TSHZ3: variants seen among roughly 807,000 people sequenced by gnomAD.
TSHZ3 encodes the protein teashirt homolog 3.
A neutral mutation model predicts 64.5 loss-of-function variants in TSHZ3; 10 were observed. The ratio of observed to expected loss-of-function variants is 0.16; its 90% CI spans 0.10 to 0.26. The LOEUF (loss-of-function observed/expected upper bound fraction) is 0.26, where lower values mean the gene tolerates loss of function less well. Ranked by LOEUF, TSHZ3 falls within the 10% of genes least tolerant of loss-of-function variation. The pLI is 1.00. For synonymous variants in TSHZ3, 608 were observed against 593.1 expected (o/e 1.03, Z -0.36); for missense variants, 1,242 against 1,421.7 (o/e 0.87, Z 2.03).
intron 1 of TSHZ3, among the ~76,000 whole-genome samples, chr19:31,263,430 C>T (rs1464733184): frequency 7.6e-6 from 1 of 132,044 alleles, no homozygotes; most frequent in Non-Finnish European, 1.8e-5. Flanking sequence ...CCTCGCCACC[C>T]GCTGCCCACG....
At chr19:31,313,514 G>A (rs142483307) in intron 1 of TSHZ3, among the ~76,000 whole-genome samples, 36 of 152,270 alleles carry the variant, frequency 2.4e-4, no homozygotes, top group Middle Eastern at 3.4e-3. Flanking sequence ...GGGTGGCCAC[G>A]CTCCTGGCAC....
intron 4 of TSHZ3, chr19:31,207,444 C>T (rs1975197175): frequency 6.6e-6 from 1 of 152,102 alleles, no homozygotes; most frequent in Non-Finnish European, 1.5e-5. Flanking sequence ...CTTTTGATGC[C>T]ATTCAGAACC....
At chr19:31,217,842 C>A (rs1282862892) in intron 4 of TSHZ3, among the ~76,000 whole-genome samples, 2 of 152,158 alleles carry the variant, frequency 1.3e-5, no homozygotes, top group Non-Finnish European at 2.9e-5. Context: ...CCCCTGATAA[C>A]CACTGGTCTT....
At chr19:31,340,524 G>A (rs543968357) in intron 1 of TSHZ3, among the ~76,000 whole-genome samples, 13 of 151,776 alleles carry the variant, frequency 8.6e-5, no homozygotes, top group African/African-American at 2.4e-4. Flanking sequence ...GGTGGGCGGC[G>A]GGCAGGGAGG....
chr19:31,224,931 G>T (rs368151328), intron 4 of TSHZ3, among the ~76,000 whole-genome samples: 1 of 152,114 alleles, frequency 6.6e-6, no homozygotes, highest in Non-Finnish European at 1.5e-5. Flanking sequence ...ACACACAAAG[G>T]CTTCAGCTTT....
At chr19:31,339,848 A>G (rs935665830) in intron 1 of TSHZ3, among the ~76,000 whole-genome samples, 6 of 151,844 alleles carry the variant, frequency 4.0e-5, no homozygotes, top group Admixed American at 3.9e-4. Flanking sequence ...AAGGCCACGC[A>G]CGTGTCGAAG....
rs569728875 is a variant in TSHZ3 at position 31,211,001 on chromosome 19, T to C, written n.687-5923A>G. Among the ~76,000 whole-genome samples, 59 of 152,316 alleles carry C rather than the reference T, an allele frequency of 3.9e-4. 1 individual carries two copies. Among genetic ancestry groups the C allele is most frequent in the Middle Eastern group, 3.4e-3 (1 of 294 alleles). On this transcript the variant is annotated intron_variant and non_coding_transcript_variant, in intron 4 of 6. Transcript: ENST00000651361. ...AGTAGGTGGAACATAAAAATCACAA[T>C]TACATGAATTATATTAAGTAAAATA...
At chr19:31,213,805 G>C (rs1975292326) in intron 4 of TSHZ3, among the ~76,000 whole-genome samples, 1 of 152,146 alleles carries the variant, frequency 6.6e-6, no homozygotes, top group Non-Finnish European at 1.5e-5. Context: ...GCGCACGTTT[G>C]GTGCCCAGTC....
chr19:31,193,564 A>G (rs148353934), intron 5 of TSHZ3, among the ~76,000 whole-genome samples: 2 of 152,268 alleles, frequency 1.3e-5, no homozygotes, highest in African/African-American at 2.4e-5. Context: ...TGCATGTTAT[A>G]CTTACTAGTT....
intron 6 of TSHZ3, among the ~76,000 whole-genome samples, chr19:31,154,669 C>T (rs1186675816): frequency 1.3e-5 from 2 of 152,198 alleles, no homozygotes; most frequent in Non-Finnish European, 2.9e-5. Flanking sequence ...CTCCCAGAAA[C>T]AGGAGAGACC....
At chr19:31,329,811 G>A (rs1358840674) in intron 1 of TSHZ3, among the ~76,000 whole-genome samples, 2 of 152,226 alleles carry the variant, frequency 1.3e-5, no homozygotes, top group South Asian at 4.1e-4. Context: ...CTTATAGCTC[G>A]ATAATTAATT....
rs758940208 is a variant in TSHZ3, at chr19:31,277,835, G to C, written c.1958C>G (p.Pro653Arg). The C allele has an allele frequency of 5.1e-6, 8 of 1,575,284 alleles. No individual in the cohort carries two copies. Among genetic ancestry groups the C allele is most frequent in the Non-Finnish European group, 6.9e-6 (8 of 1,162,728 alleles). ...PSPCSSEVGE[P>R]IKMEASSDGG... The stretch of plus-strand genomic sequence containing the variant: ...ATCGCTGGATGCCTCCATCTTGATG[G>C]GTTCCCCGACTTCGCTGCTACATGG... Residue 653 changes from proline to arginine, a missense_variant, in exon 2 of 2, where the codon CCC becomes CGC. By Grantham distance (103) the Pro-to-Arg change is moderately radical. Transcript: ENST00000240587. This position sits in a 1 kb window ranked among gnomAD's most constrained non-coding sequence, Gnocchi z 4.5.
At chr19:31,271,435 C>T (rs763096656), downstream of TSHZ3, among the ~76,000 whole-genome samples, 7 of 152,160 alleles carry the variant, frequency 4.6e-5, no homozygotes. Context: ...TGCAGTGACA[C>T]CCGGAATCCA....
chr19:31,248,801 A>AAG (rs1975793887), intron 1 of TSHZ3, among the ~76,000 whole-genome samples: 1 of 151,758 alleles, frequency 6.6e-6, no homozygotes, highest in Non-Finnish European at 1.5e-5. Context: ...AAAAAAAAAA[A>AAG]AAGAAGAAGA....
intron 1 of TSHZ3, among the ~76,000 whole-genome samples, chr19:31,257,334 C>A (rs1042877958): frequency 1.3e-5 from 2 of 152,204 alleles, no homozygotes; most frequent in African/African-American, 4.8e-5. Flanking sequence ...GAGCGACTCT[C>A]ATTCCCTTTG....
At chr19:31,271,958 A>G (rs888252909), downstream of TSHZ3, among the ~76,000 whole-genome samples, 1 of 152,184 alleles carries the variant, frequency 6.6e-6, no homozygotes, top group African/African-American at 2.4e-5. Flanking sequence ...CTCTAATACA[A>G]AGTGTATTAT....
chr19:31,300,429 T>C (rs1163921855), intron 1 of TSHZ3, among the ~76,000 whole-genome samples: 1 of 152,226 alleles, frequency 6.6e-6, no homozygotes, highest in Non-Finnish European at 1.5e-5. Flanking sequence ...GATATGATTA[T>C]AATTGAACAC....
intron 1 of TSHZ3, among the ~76,000 whole-genome samples, chr19:31,319,558 C>A (rs1173380304): frequency 6.6e-6 from 1 of 152,172 alleles, no homozygotes; most frequent in African/African-American, 2.4e-5. Context: ...CAGCCCACCA[C>A]TGAGGGAGAC....
chr19:31,226,509 T>C (rs1458023760), intron 4 of TSHZ3, among the ~76,000 whole-genome samples: 1 of 152,226 alleles, frequency 6.6e-6, no homozygotes, highest in Non-Finnish European at 1.5e-5. Flanking sequence ...CCCAGCCACA[T>C]GGAACTGTGA....
Sources: allele counts gnomAD v4.1 joint callset (sites outside exome capture counted in the v4.1 genomes callset), GRCh38; gene constraint gnomAD v4.1.1; non-coding constraint Gnocchi (gnomAD v3.1); transcripts MANE v1.5; gene names NCBI Gene and HGNC (gene_info 2026-07-23, HGNC 2026-07-21).